MALRD1: variants seen among roughly 807,000 people sequenced by gnomAD.
The protein encoded by MALRD1 is MAM and LDL receptor class A domain containing 1, also known as MAM and LDL-receptor class A domain-containing protein 1.
In MALRD1, 247 loss-of-function variants were observed where a neutral mutation model predicts 242.1. The ratio of observed to expected loss-of-function variants is 1.02; its 90% CI spans 0.92 to 1.13. The LOEUF is 1.13. Among genes scored for constraint, MALRD1 ranks in the 50% most tolerant of loss-of-function variants. The pLI is 0.00. For synonymous variants in MALRD1, 995 were observed against 866.6 expected (o/e 1.15, Z -2.60); for missense variants, 2,989 against 2,533.1 (o/e 1.18, Z -3.86).
intron 14 of MALRD1, among the ~76,000 whole-genome samples, chr10:19,188,014 C>T (rs1426129488): frequency 6.6e-6 from 1 of 152,136 alleles, no homozygotes; most frequent in Non-Finnish European, 1.5e-5. Flanking sequence ...AGGGTAGAAT[C>T]CTGTCATTCA....
At chr10:19,234,510 T>C (rs1422708979) in intron 18 of MALRD1, among the ~76,000 whole-genome samples, 1 of 152,142 alleles carries the variant, frequency 6.6e-6, no homozygotes, top group African/African-American at 2.4e-5. Flanking sequence ...CAATAAAAAG[T>C]ATCGATTTAC....
chr10:19,491,461 C>T, intron 29 of MALRD1, 56 bp from the exon 30 acceptor site: 1 of 1,527,194 alleles, frequency 6.5e-7, no homozygotes, highest in East Asian at 2.5e-5. Flanking sequence ...CAGGAATCTT[C>T]AAGTCTAATG....
chr10:19,174,741 T>A (rs1835154320), intron 13 of MALRD1, among the ~76,000 whole-genome samples: 1 of 152,058 alleles, frequency 6.6e-6, no homozygotes, highest in African/African-American at 2.4e-5. Flanking sequence ...CTACAGTGAG[T>A]ATGTTTCTGT....
chr10:19,719,844 A>T (rs1005566695), intron 38 of MALRD1, among the ~76,000 whole-genome samples: 6 of 133,892 alleles, frequency 4.5e-5, no homozygotes, highest in Non-Finnish European at 7.6e-5. Context: ...TTGTTTATTT[A>T]AAAAAAAAAA....
chr10:19,221,110 C>T (rs1837536438), intron 18 of MALRD1, among the ~76,000 whole-genome samples: 2 of 152,040 alleles, frequency 1.3e-5, no homozygotes, highest in African/African-American at 4.8e-5. Flanking sequence ...AAAGAGATGG[C>T]ATAATTTTTT....
chr10:19,105,602 C>T (rs1248373633), intron 5 of MALRD1, among the ~76,000 whole-genome samples: 4 of 151,956 alleles, frequency 2.6e-5, no homozygotes, highest in African/African-American at 4.8e-5. Flanking sequence ...TTTTGAGGAA[C>T]CTCCATAATG....
At chr10:19,178,328 A>G (rs1161794842) in intron 14 of MALRD1, among the ~76,000 whole-genome samples, 1 of 152,202 alleles carries the variant, frequency 6.6e-6, no homozygotes, top group African/African-American at 2.4e-5. Flanking sequence ...CAATTATAGG[A>G]TCTCATTTGT....
chr10:19,078,582 G>A (rs943960405), intron 2 of MALRD1, among the ~76,000 whole-genome samples: 2 of 151,798 alleles, frequency 1.3e-5, no homozygotes, highest in Admixed American at 1.3e-4. Context: ...TTTTTTATAA[G>A]AGTTTGTGAA....
chr10:19,701,186 G>A (rs1344752283), intron 38 of MALRD1, among the ~76,000 whole-genome samples: 1 of 152,024 alleles, frequency 6.6e-6, no homozygotes, highest in Non-Finnish European at 1.5e-5. Context: ...AAGAGAGAAA[G>A]AGAGAGAGGA....
Position 19,134,154 on chromosome 10 carries a change from C to A in MALRD1, c.1203+206C>A, listed in dbSNP as rs371157269. Among the ~76,000 whole-genome samples the A allele has an allele frequency of 1.1e-4, 16 of 152,254 alleles. No homozygotes were observed. In the East Asian group the frequency reaches 2.5e-3, roughly 24 times the overall value. ...TCCCATGGCGGGGGAAATTGAGTGT[C>A]TCCACTCTCGTTCACAGCTTCCTCA... On this transcript the variant is annotated intron_variant, in intron 9 of 39. Coordinates refer to ENST00000454679, the MANE Select transcript of MALRD1 (RefSeq NM_001142308.3).
intron 2 of MALRD1, among the ~76,000 whole-genome samples, chr10:19,073,918 C>A (rs1277920422): frequency 6.6e-6 from 1 of 152,054 alleles, no homozygotes; most frequent in African/African-American, 2.4e-5. Flanking sequence ...AGCGAAAGAG[C>A]ATTTGAGAAA....
chr10:19,248,879 T>C (rs1839176840), intron 18 of MALRD1, among the ~76,000 whole-genome samples: 1 of 148,956 alleles, frequency 6.7e-6, no homozygotes, highest in East Asian at 1.9e-4. Context: ...TATACAGATA[T>C]ATAACATATA....
intron 12 of MALRD1, 39 bp downstream of exon 12, chr10:19,155,211 G>A: frequency 5.3e-6 from 6 of 1,124,172 alleles, no homozygotes; most frequent in South Asian, 4.5e-5. Context: ...CCATTCTGCG[G>A]TTGTAAATCG....
At chr10:19,608,459 A>G (rs1398449015) in intron 35 of MALRD1, among the ~76,000 whole-genome samples, 1 of 151,946 alleles carries the variant, frequency 6.6e-6, no homozygotes, top group African/African-American at 2.4e-5. Context: ...CTGCTTTAAA[A>G]TTTTCTAATT....
chr10:19,428,753 A>G (rs1420800605), intron 28 of MALRD1, among the ~76,000 whole-genome samples: 1 of 152,228 alleles, frequency 6.6e-6, no homozygotes, highest in Non-Finnish European at 1.5e-5. Flanking sequence ...GAAATGTTTA[A>G]AGTTTACGTA....
At chr10:19,316,735 A>T (rs1240565782) in intron 21 of MALRD1, among the ~76,000 whole-genome samples, 3 of 151,876 alleles carry the variant, frequency 2.0e-5, no homozygotes, top group African/African-American at 7.3e-5. Context: ...AGTTGAACTC[A>T]TGGAGATACA....
chr10:19,101,129 A>G (rs1836234634), intron 4 of MALRD1, among the ~76,000 whole-genome samples: 1 of 151,502 alleles, frequency 6.6e-6, no homozygotes, highest in South Asian at 2.1e-4. Context: ...CTATCATTTT[A>G]TCATTACATT....
chr10:19,205,267 T>A lies in MALRD1; in HGVS notation c.2578+2T>A, dbSNP rs866509197. 2.6e-6 allele frequency: 4 copies of A among 1,535,424 alleles called. No individual in the cohort carries two copies. The South Asian group carries it at 3.6e-5, about 14-fold the overall frequency. ...ATCGTACTGATGAAGTCAACTGTGG[T>A]AAGTTCTTTTTGGTTGGGGGATTCT... On this transcript the variant is annotated splice_donor_variant, in intron 17 of 39. Coordinates refer to ENST00000454679, the MANE Select transcript of MALRD1 (RefSeq NM_001142308.3). LOFTEE classifies it high-confidence loss of function.
chr10:19,094,971 A>G (rs1399542362), intron 4 of MALRD1, among the ~76,000 whole-genome samples: 1 of 152,214 alleles, frequency 6.6e-6, no homozygotes, highest in Non-Finnish European at 1.5e-5. Flanking sequence ...GTTAAACATG[A>G]GATTTTAAAG....
Sources: allele counts gnomAD v4.1 joint callset (sites outside exome capture counted in the v4.1 genomes callset), GRCh38; gene constraint gnomAD v4.1.1; transcripts MANE v1.5; gene names NCBI Gene and HGNC (gene_info 2026-07-23, HGNC 2026-07-21).